Variants in SH3RF2 observed in about 807,000 individuals in gnomAD.
SH3RF2 encodes the protein E3 ubiquitin-protein ligase SH3RF2.
Under a neutral mutation model 59.0 loss-of-function variants are expected in SH3RF2, and 43 were observed. The observed-to-expected ratio is 0.73, with a 90% CI of 0.57 to 0.94. The LOEUF (loss-of-function observed/expected upper bound fraction) is 0.94, where lower values mean the gene tolerates loss of function less well. Ranked by LOEUF, SH3RF2 falls within the 40% of genes least tolerant of loss-of-function variation. The pLI, the probability that SH3RF2 is intolerant of heterozygous loss-of-function variation, is 0.00. For missense variants in SH3RF2, 930 were observed against 940.1 expected (o/e 0.99, Z 0.14); for synonymous variants, 391 against 391.5 (o/e 1.00, Z 0.01).
At position 146,056,178 on chromosome 5, in the gene SH3RF2, G is replaced by A; in HGVS notation, c.1520G>A (p.Gly507Glu). Residue 507 changes from glycine (G) to glutamate (E), a missense_variant, in exon 8 of 10, where the codon GGG (glycine) becomes GAG (glutamate). Coordinates refer to ENST00000359120, the MANE Select transcript of SH3RF2 (RefSeq NM_152550.4). ...STAGPGTLGQ[G>E]SLRKGRSSMR... ...GCCGGCCCTGGGACTTTAGGACAAGGGTCTCTTCGGAAAGGGCGGAGCAGC... is the reference window on the plus strand; with the variant it reads ...GCCGGCCCTGGGACTTTAGGACAAGAGTCTCTTCGGAAAGGGCGGAGCAGC... 2 of 1,614,208 alleles carry A rather than the reference G, an allele frequency of 1.2e-6. No homozygotes were observed. Among genetic ancestry groups the A allele is most frequent in the Admixed American group, 1.7e-5 (1 of 60,024 alleles).
At chr5:145,952,650 G>C (rs148517496) in intron 2 of SH3RF2, among the ~76,000 whole-genome samples, 1 of 152,196 alleles carries the variant, frequency 6.6e-6, no homozygotes, top group African/African-American at 2.4e-5. Flanking sequence ...ACTCTAATGG[G>C]ATAGATAAAA....
intron 2 of SH3RF2, among the ~76,000 whole-genome samples, chr5:145,983,821 A>G (rs917637353): frequency 5.3e-5 from 8 of 152,164 alleles, no homozygotes; most frequent in South Asian, 4.1e-4. Flanking sequence ...GCAAGTACCC[A>G]CTGGAAAAAC....
chr5:145,961,770 A>C (rs912021597), intron 2 of SH3RF2, among the ~76,000 whole-genome samples: 10 of 152,220 alleles, frequency 6.6e-5, no homozygotes, highest in African/African-American at 2.4e-4. Flanking sequence ...CCCTTCTGTC[A>C]ATACAGTTTA....
chr5:145,954,784 T>C (rs1241612819), intron 2 of SH3RF2, among the ~76,000 whole-genome samples: 5 of 152,104 alleles, frequency 3.3e-5, no homozygotes, highest in African/African-American at 1.2e-4. Flanking sequence ...ACATCAGCTT[T>C]GGGGAGACCT....
intron 9 of SH3RF2, among the ~76,000 whole-genome samples, chr5:146,077,592 T>A (rs1763362286): frequency 6.6e-6 from 1 of 152,220 alleles, no homozygotes; most frequent in South Asian, 2.1e-4. Context: ...GTGTATTTTT[T>A]AAAAATAAGA....
chr5:146,024,603 G>C (rs183381840), intron 5 of SH3RF2, among the ~76,000 whole-genome samples: 2 of 152,048 alleles, frequency 1.3e-5, no homozygotes, highest in Admixed American at 6.6e-5. Context: ...TGCTTTTGTT[G>C]TCATATCTAA....
At chr5:146,076,755 A>C (rs1763348693) in intron 9 of SH3RF2, among the ~76,000 whole-genome samples, 1 of 152,148 alleles carries the variant, frequency 6.6e-6, no homozygotes, top group South Asian at 2.1e-4. Flanking sequence ...TGTCTGCTTG[A>C]AAATTGGGGC....
rs781055446 is a variant in SH3RF2, at chr5:146,047,789, C to G, written c.1077C>G (p.Pro359=). The G allele has an allele frequency of 1.2e-6, 2 of 1,614,010 alleles. No individual in the cohort carries two copies. The highest frequency in any genetic ancestry group is 1.3e-5 in the African/African-American group (1 of 74,922). The change falls in exon 6 of 10, where the codon CCC becomes CCG. Residue 359 remains proline (P), a synonymous_variant. Coordinates refer to ENST00000359120, the MANE Select transcript of SH3RF2 (RefSeq NM_152550.4). ...SCVGQVSTYH[P]APVSPGHSTA... ...CTGTGCAGGTCAGCACTTATCACCC[C>G]GCACCTGTCTCTCCAGGACATTCCA...
intron 2 of SH3RF2, among the ~76,000 whole-genome samples, chr5:145,949,742 A>G (rs1223799183): frequency 6.6e-6 from 1 of 152,208 alleles, no homozygotes; most frequent in Non-Finnish European, 1.5e-5. Flanking sequence ...AGGATCCAGG[A>G]TGCAGGAGGC....
chr5:146,059,909 C>A lies in SH3RF2; in HGVS notation c.1599C>A (p.Leu533=). 6.7e-7 allele frequency: 1 copy of A among 1,501,978 alleles called. No homozygotes were observed. Among genetic ancestry groups the A allele is most frequent in the South Asian group, 1.4e-5 (1 of 72,072 alleles). 93.0% of individuals were successfully genotyped at this position (1,501,978 alleles called of 1,614,324 possible). Reference sequence around the variant, plus strand: ...CCCTCCAGTCCGGGATCCCCACTCTCGTGGTAGGCTCCCTCAGACGCAGCC... The same window carrying A: ...CCCTCCAGTCCGGGATCCCCACTCTAGTGGTAGGCTCCCTCAGACGCAGCC... ...QRPLQSGIPT[L]VVGSLRRSPT... is the part of the protein sequence containing the mutation. The change falls in exon 9 of 10, where the codon CTC becomes CTA. Residue 533 remains leucine, a synonymous_variant. Coordinates refer to ENST00000359120, the MANE Select transcript of SH3RF2 (RefSeq NM_152550.4).
rs115421308 is a variant in SH3RF2 at position 146,008,932 on chromosome 5, G to A, written c.744+4779G>A. On this transcript the variant is annotated intron_variant, in intron 4 of 9. Transcript: ENST00000359120. Reference sequence around the variant, plus strand: ...CTTTCATTTTGCATAAAGCATTTGGGATTACCCATGCTGTTTCATGTATCA... The same window carrying A: ...CTTTCATTTTGCATAAAGCATTTGGAATTACCCATGCTGTTTCATGTATCA... 9.2e-3 allele frequency among the ~76,000 whole-genome samples: 1,399 copies of A among 152,262 alleles called. 14 individuals are homozygous for A. Among genetic ancestry groups the A allele is most frequent in the African/African-American group, 0.032 (1,312 of 41,542 alleles).
intron 2 of SH3RF2, among the ~76,000 whole-genome samples, chr5:145,964,683 A>G (rs1183452681): frequency 6.6e-6 from 1 of 152,108 alleles, no homozygotes; most frequent in Non-Finnish European, 1.5e-5. Context: ...AGTTACATTT[A>G]CAGCAAAAAT....
intron 2 of SH3RF2, among the ~76,000 whole-genome samples, chr5:145,963,989 C>T (rs1433964848): frequency 1.1e-4 from 17 of 151,748 alleles, no homozygotes; most frequent in African/African-American, 2.4e-5. Flanking sequence ...CCCGCCACCG[C>T]GCCCGGCTAA....
intron 4 of SH3RF2, among the ~76,000 whole-genome samples, chr5:146,005,139 T>C (rs994463862): frequency 3.9e-5 from 6 of 152,180 alleles, no homozygotes; most frequent in African/African-American, 1.4e-4. Flanking sequence ...TATTTATTAC[T>C]TCTGTTTTTT....
At chr5:146,031,017 T>C (rs907637355) in intron 5 of SH3RF2, among the ~76,000 whole-genome samples, 1 of 152,130 alleles carries the variant, frequency 6.6e-6, no homozygotes. Flanking sequence ...ATTGGCCTCT[T>C]CCTTTAAAAA....
intron 9 of SH3RF2, among the ~76,000 whole-genome samples, chr5:146,061,839 G>T (rs1762904220): frequency 6.6e-6 from 1 of 152,032 alleles, no homozygotes; most frequent in South Asian, 2.1e-4. Context: ...TTTTTTAAGA[G>T]ACATATGAAA....
In SH3RF2 at chr5:146,014,193, T is replaced by A. The variant is rs1446655738; in HGVS notation, c.1059+132T>A. 6 of 843,634 alleles carry A rather than the reference T, an allele frequency of 7.1e-6. No homozygotes were observed. The East Asian group carries it at 1.3e-4, about 18-fold the overall frequency. 52.3% of individuals were successfully genotyped at this position (843,634 alleles called of 1,614,324 possible). ...CCCTACTAGTAACTAATGCCATATG[T>A]ATTCCATGTTAGAATTGTATAAACC... On this transcript the variant is annotated intron_variant, in intron 5 of 9. Coordinates refer to ENST00000359120, the MANE Select transcript of SH3RF2 (RefSeq NM_152550.4).
intron 2 of SH3RF2, chr5:145,997,082 C>A (rs932952994): frequency 1.2e-5 from 7 of 567,228 alleles, no homozygotes; most frequent in Non-Finnish European, 2.2e-5. Flanking sequence ...AGGTTTGTTA[C>A]ACAGGTAAAC....
chr5:146,047,010 G>C (rs1206766476), intron 5 of SH3RF2, among the ~76,000 whole-genome samples: 1 of 152,140 alleles, frequency 6.6e-6, no homozygotes, highest in Non-Finnish European at 1.5e-5. Context: ...TCCCAGCTCA[G>C]CTTCCCAAAG....
Sources: allele counts gnomAD v4.1 joint callset (sites outside exome capture counted in the v4.1 genomes callset), GRCh38; gene constraint gnomAD v4.1.1; transcripts MANE v1.5; gene names NCBI Gene and HGNC (gene_info 2026-07-23, HGNC 2026-07-21).